The following SSBP3 variants were observed in gnomAD, a reference collection of about 807,000 sequenced individuals.
SSBP3 encodes single stranded DNA binding protein 3.
SSBP3 carries 5 observed loss-of-function variants against 69.6 expected under a neutral mutation model. That is an observed-to-expected ratio of 0.07 (90% CI 0.04 to 0.15). The LOEUF (loss-of-function observed/expected upper bound fraction) is 0.15, where lower values mean the gene tolerates loss of function less well. SSBP3 is among the 10% of genes least tolerant of loss of function. SSBP3 has a pLI of 1.00. For synonymous variants in SSBP3, 196 were observed against 193.4 expected (o/e 1.01, Z -0.11); for missense variants, 312 against 534.0 (o/e 0.58, Z 4.10).
At chr1:54,344,841 G>C (rs1646663071) in intron 4 of SSBP3, among the ~76,000 whole-genome samples, 1 of 152,152 alleles carries the variant, frequency 6.6e-6, no homozygotes, top group South Asian at 2.1e-4. Context: ...GCAAGACATT[G>C]TCTCAAATTA....
At chr1:54,393,198 T>A (rs895992919) in intron 4 of SSBP3, among the ~76,000 whole-genome samples, 10 of 152,172 alleles carry the variant, frequency 6.6e-5, no homozygotes, top group Non-Finnish European at 1.2e-4. Context: ...GTGCGTCCAC[T>A]GTTTTCTCAT....
chr1:54,373,086 G>T (rs1300066721), intron 4 of SSBP3, among the ~76,000 whole-genome samples: 1 of 152,184 alleles, frequency 6.6e-6, no homozygotes, highest in Non-Finnish European at 1.5e-5. Context: ...CCTCTTCCTG[G>T]TGTCACCCGC....
intron 4 of SSBP3, among the ~76,000 whole-genome samples, chr1:54,319,680 C>T (rs866788869): frequency 3.3e-5 from 5 of 151,682 alleles, no homozygotes; most frequent in Non-Finnish European, 5.9e-5. Context: ...CAGGCTGGCG[C>T]GAGCCTTCCA....
At chr1:54,288,793 CG>C (rs574567425) in intron 4 of SSBP3, among the ~76,000 whole-genome samples, 88 of 151,806 alleles carry the variant, frequency 5.8e-4, no homozygotes, top group Non-Finnish European at 1.1e-3. Context: ...CCAAGGTGGG[CG>C]GATCACAAGG....
At position 54,289,037 on chromosome 1, in the gene SSBP3, C is replaced by CAAAA. The variant is rs994712448; in HGVS notation, c.277-7514_277-7511dup. 4.8e-5 allele frequency among the ~76,000 whole-genome samples: 3 copies of CAAAA among 62,060 alleles called. 1 individual carries two copies. The highest frequency in any genetic ancestry group is 3.0e-5 in the Non-Finnish European group (1 of 33,754). The allele number at this position is 62,060 out of a possible 152,430, so 40.7% of individuals were successfully genotyped here. The stretch of plus-strand genomic sequence containing the variant: ...TCTGTCTCCAAAAAAAAAAAAAAAA[C>CAAAA]AAAAAAACAAAAAAAAAAAACAGTA... On this transcript the variant is annotated intron_variant, in intron 4 of 17. Coordinates refer to ENST00000610401, the Ensembl canonical transcript of SSBP3.
intron 4 of SSBP3, among the ~76,000 whole-genome samples, chr1:54,332,467 A>G (rs138150542): frequency 6.6e-6 from 1 of 152,194 alleles, no homozygotes; most frequent in South Asian, 2.1e-4. Flanking sequence ...CAAGCTGCCC[A>G]TCTGGCTGCA....
chr1:54,383,445 C>T (rs932854310), intron 4 of SSBP3, among the ~76,000 whole-genome samples: 2 of 152,072 alleles, frequency 1.3e-5, no homozygotes, highest in African/African-American at 4.8e-5. Context: ...TGGCTAGACC[C>T]TCCCTGAAGA....
At chr1:54,395,857 G>C (rs1293167131) in intron 4 of SSBP3, among the ~76,000 whole-genome samples, 1 of 151,960 alleles carries the variant, frequency 6.6e-6, no homozygotes, top group Non-Finnish European at 1.5e-5. Context: ...ACACAACACA[G>C]ACACAAACAC....
intron 5 of SSBP3, among the ~76,000 whole-genome samples, chr1:54,269,165 C>A (rs150073552): frequency 6.6e-6 from 1 of 152,290 alleles, no homozygotes; most frequent in South Asian, 2.1e-4. Context: ...CACGGAGCTA[C>A]CCCTCTTGCC....
chr1:54,399,772 A>G (rs1367786761), intron 4 of SSBP3, among the ~76,000 whole-genome samples: 1 of 152,136 alleles, frequency 6.6e-6, no homozygotes, highest in Non-Finnish European at 1.5e-5. Context: ...GAGAAAGACA[A>G]AAAGAAAAGT....
Position 54,240,896 on chromosome 1 carries a change from C to T in SSBP3, c.856+9G>A, listed in dbSNP as rs139077586. The T allele has an allele frequency of 1.1e-4, 185 of 1,612,988 alleles. No individual in the cohort carries two copies. Among genetic ancestry groups the T allele is most frequent in the African/African-American group, 2.5e-4 (19 of 74,948 alleles). On this transcript the variant is annotated intron_variant, in intron 13 of 17. Coordinates refer to ENST00000610401, the Ensembl canonical transcript of SSBP3. Reference sequence around the variant, plus strand: ...CCAGACCCCCCACTTTCCCCTCAAGCGCTCTTACCTGCGGGACTGGGCATA... The same window carrying T: ...CCAGACCCCCCACTTTCCCCTCAAGTGCTCTTACCTGCGGGACTGGGCATA...
At chr1:54,394,721 GA>G (rs1648739632) in intron 4 of SSBP3, among the ~76,000 whole-genome samples, 1 of 16,506 alleles carries the variant, frequency 6.1e-5, no homozygotes, top group African/African-American at 2.2e-4. Flanking sequence ...TTTTTTTTTT[GA>G]GACGGAGTCT....
intron 4 of SSBP3, among the ~76,000 whole-genome samples, chr1:54,391,647 G>C (rs1325268475): frequency 6.6e-6 from 1 of 152,222 alleles, no homozygotes; most frequent in Non-Finnish European, 1.5e-5. Context: ...CTTAAGGTCA[G>C]AGGACTGTGA....
At chr1:54,286,549 T>A (rs1425710522) in intron 4 of SSBP3, 1 of 152,224 alleles carries the variant, frequency 6.6e-6, no homozygotes, top group Non-Finnish European at 1.5e-5. Context: ...TACACAGCCA[T>A]GGGGCTCAGG....
intron 4 of SSBP3, among the ~76,000 whole-genome samples, chr1:54,369,113 G>GT (rs1340744890): frequency 2.0e-5 from 3 of 151,900 alleles, no homozygotes; most frequent in African/African-American, 7.3e-5. Flanking sequence ...ACGAAAAAAA[G>GT]TAAGTCAGAA....
At chr1:54,255,803 T>A (rs1644911340) in intron 7 of SSBP3, 1 of 152,180 alleles carries the variant, frequency 6.6e-6, no homozygotes, top group Non-Finnish European at 1.5e-5. Context: ...CCAGGCACGG[T>A]GGCTCACGCC....
At chr1:54,350,980 A>G (rs962004264) in intron 4 of SSBP3, among the ~76,000 whole-genome samples, 3 of 152,006 alleles carry the variant, frequency 2.0e-5, no homozygotes, top group Non-Finnish European at 4.4e-5. Context: ...ACGTGCCGCC[A>G]AGCCCAGCTA....
intron 4 of SSBP3, among the ~76,000 whole-genome samples, chr1:54,323,919 G>A (rs1646257219): frequency 6.6e-6 from 1 of 152,154 alleles, no homozygotes; most frequent in African/African-American, 2.4e-5. Flanking sequence ...TATCCTATGT[G>A]TCCCCCCAGA....
chr1:54,288,193 G>A (rs1645527296), intron 4 of SSBP3, among the ~76,000 whole-genome samples: 1 of 152,168 alleles, frequency 6.6e-6, no homozygotes, highest in East Asian at 1.9e-4. Context: ...CACCGCCTGG[G>A]CCTGGGGATT....
Sources: allele counts gnomAD v4.1 joint callset (sites outside exome capture counted in the v4.1 genomes callset), GRCh38; gene constraint gnomAD v4.1.1; transcripts MANE v1.5; gene names NCBI Gene and HGNC (gene_info 2026-07-23, HGNC 2026-07-21).